DAPP1: variants seen among roughly 807,000 people sequenced by gnomAD.
DAPP1 encodes the protein dual adapter for phosphotyrosine and 3-phosphotyrosine and 3-phosphoinositide.
DAPP1 carries 20 observed loss-of-function variants against 41.5 expected under a neutral mutation model. The ratio of observed to expected loss-of-function variants is 0.48; its 90% CI spans 0.34 to 0.70. The LOEUF is 0.70. Among genes scored for constraint, DAPP1 ranks in the 30% least tolerant of loss-of-function variants. DAPP1 has a pLI of 0.01. For synonymous variants in DAPP1, 113 were observed against 116.2 expected, an observed-to-expected ratio of 0.97 and a Z score of 0.18; for missense variants, 233 against 333.4, an observed-to-expected ratio of 0.70 and a Z score of 2.35.
chr4:99,845,841 CCTGT>C (rs1486846370), intron 3 of DAPP1, among the ~76,000 whole-genome samples: 3 of 152,236 alleles, frequency 2.0e-5, no homozygotes, highest in Non-Finnish European at 2.9e-5. Flanking sequence ...TATCAAACAG[CCTGT>C]CTAAGTATAA....
intron 1 of DAPP1, among the ~76,000 whole-genome samples, chr4:99,825,650 G>A (rs79802130): frequency 1.3e-5 from 2 of 152,306 alleles, no homozygotes; most frequent in Non-Finnish European, 2.9e-5. Context: ...TCACAGAAAC[G>A]TCTCTATTGG....
intron 3 of DAPP1, among the ~76,000 whole-genome samples, chr4:99,840,650 C>T (rs553057151): frequency 6.6e-6 from 1 of 152,212 alleles, no homozygotes; most frequent in East Asian, 1.9e-4. Context: ...TTTAAAATAA[C>T]ATATACAATA....
At chr4:99,827,327 G>A (rs181404819) in intron 1 of DAPP1, among the ~76,000 whole-genome samples, 11,190 of 151,738 alleles carry the variant, frequency 0.074, 466 homozygotes, top group Middle Eastern at 0.14. Flanking sequence ...GAGGTCAGGA[G>A]ATCGAGACCA....
At chr4:99,863,110 A>C in intron 6 of DAPP1, 38 bp downstream of exon 6, 2 of 1,364,270 alleles carry the variant, frequency 1.5e-6, no homozygotes, top group Non-Finnish European at 2.0e-6. Context: ...TTTAAAAATC[A>C]ATTCTCTAGA....
rs760935827 is a variant in DAPP1 at position 99,868,165 on chromosome 4, C to T, written c.823C>T (p.Arg275Trp). 24 of 1,613,800 alleles carry T rather than the reference C, an allele frequency of 1.5e-5. No homozygotes were observed. The highest frequency in any genetic ancestry group is 9.9e-5 in the South Asian group (9 of 91,082). The change falls in exon 9 of 9, where the codon CGG becomes TGG. Residue 275 changes from arginine to tryptophan, a missense_variant. By Grantham distance (101) the Arg-to-Trp change is moderately radical. Transcript: ENST00000512369. ...LNQGEGTIRS[R>W]SFIFK ...CCAAGGGGAAGGCACGATCCGATCT[C>T]GGTCGTTCATCTTTAAATAGATCTT... is the stretch of plus-strand genomic sequence containing the variant.
At chr4:99,841,899 A>G (rs1324607565) in intron 3 of DAPP1, among the ~76,000 whole-genome samples, 1 of 152,198 alleles carries the variant, frequency 6.6e-6, no homozygotes, top group Admixed American at 6.5e-5. Flanking sequence ...CTTCCAACCA[A>G]AGACAGCTCC....
intron 1 of DAPP1, among the ~76,000 whole-genome samples, chr4:99,826,665 G>A (rs1019079792): frequency 6.6e-6 from 1 of 152,162 alleles, no homozygotes; most frequent in Non-Finnish European, 1.5e-5. Flanking sequence ...TTCCCAACAG[G>A]GACCCTGTGC....
At chr4:99,859,087 AT>A (rs942754364) in intron 4 of DAPP1, among the ~76,000 whole-genome samples, 9 of 150,090 alleles carry the variant, frequency 6.0e-5, no homozygotes, top group Non-Finnish European at 1.2e-4. Context: ...TCATTTTTTT[AT>A]TTTTTTTTGT....
chr4:99,846,279 G>A (rs1723661624), intron 3 of DAPP1, among the ~76,000 whole-genome samples: 1 of 152,138 alleles, frequency 6.6e-6, no homozygotes, highest in South Asian at 2.1e-4. Flanking sequence ...ACTAGATTGA[G>A]GCTGAGAATA....
At chr4:99,861,747 G>A (rs1724246237) in intron 5 of DAPP1, 122 bp downstream of exon 5, 1 of 1,146,498 alleles carries the variant, frequency 8.7e-7, no homozygotes, top group East Asian at 2.6e-5. Context: ...TAACCCATTT[G>A]TAATATTCAC....
At chr4:99,848,246 G>A (rs868098527) in intron 3 of DAPP1, among the ~76,000 whole-genome samples, 1 of 86,518 alleles carries the variant, frequency 1.2e-5, no homozygotes, top group Admixed American at 1.1e-4. Flanking sequence ...TTTTTTTTTT[G>A]TGATGGGGTC....
intron 3 of DAPP1, chr4:99,844,390 A>G (rs1723597500): frequency 1.3e-5 from 2 of 152,202 alleles, no homozygotes; most frequent in African/African-American, 2.4e-5. Flanking sequence ...ACTCTAAACT[A>G]AACTCAAATA....
At chr4:99,837,729 A>G (rs1483595693) in intron 2 of DAPP1, among the ~76,000 whole-genome samples, 1 of 152,194 alleles carries the variant, frequency 6.6e-6, no homozygotes, top group Admixed American at 6.6e-5. Context: ...ATTCAAGTGC[A>G]TTACATTTAT....
At chr4:99,821,183 A>G (rs1722763107) in intron 1 of DAPP1, among the ~76,000 whole-genome samples, 1 of 152,250 alleles carries the variant, frequency 6.6e-6, no homozygotes, top group Admixed American at 6.5e-5. Context: ...CTGCTGTGAT[A>G]GTCCTAATTT....
chr4:99,865,925 A>ATAATATATTATATTATATAT (rs1265001968), intron 7 of DAPP1, 109 bp from the exon 8 acceptor site: 2 of 85,440 alleles, frequency 2.3e-5, no homozygotes, highest in African/African-American at 9.2e-5. Context: ...ATATATATAT[A>ATAATATATTATATTATATAT]ATATATATAA....
chr4:99,826,673 T>C (rs964726992), intron 1 of DAPP1, among the ~76,000 whole-genome samples: 1 of 152,208 alleles, frequency 6.6e-6, no homozygotes, highest in Non-Finnish European at 1.5e-5. Context: ...AGGGACCCTG[T>C]GCTCCAGCTA....
intron 3 of DAPP1, among the ~76,000 whole-genome samples, chr4:99,845,315 C>T (rs1442416391): frequency 6.6e-6 from 1 of 152,168 alleles, no homozygotes; most frequent in African/African-American, 2.4e-5. Flanking sequence ...AATAACAGTA[C>T]ATTGTTGCCA....
chr4:99,830,847 A>G (rs1723099020), intron 1 of DAPP1, among the ~76,000 whole-genome samples: 1 of 152,180 alleles, frequency 6.6e-6, no homozygotes, highest in Non-Finnish European at 1.5e-5. Flanking sequence ...CTCAATAAGC[A>G]GTAGTTGAAT....
chr4:99,867,943 A>G (rs191546618), intron 8 of DAPP1, among the ~76,000 whole-genome samples, 174 bp from the exon 9 acceptor site: 40 of 152,342 alleles, frequency 2.6e-4, no homozygotes, highest in Middle Eastern at 3.4e-3. Context: ...AAAAATACAG[A>G]AAATTTTTCT....
Sources: gnomAD v4.1 joint callset for allele counts (sites outside exome capture counted in the v4.1 genomes callset) on GRCh38, gnomAD v4.1.1 for gene constraint, MANE v1.5 for transcripts, NCBI Gene and HGNC (gene_info 2026-07-23, HGNC 2026-07-21) for gene names.